Variants in CTTNBP2 observed in about 807,000 individuals in gnomAD.
CTTNBP2 encodes cortactin-binding protein 2.
A neutral mutation model predicts 156.9 loss-of-function variants in CTTNBP2; 108 were observed. That is an observed-to-expected ratio of 0.69 (90% CI 0.59 to 0.81). The LOEUF is 0.81. Ranked by LOEUF, CTTNBP2 falls within the 30% of genes least tolerant of loss-of-function variation. CTTNBP2 has a pLI of 0.00. For synonymous variants in CTTNBP2, 767 were observed against 751.8 expected, an observed-to-expected ratio of 1.02 and a Z score of -0.33; for missense variants, 1,924 against 2,035.4, an observed-to-expected ratio of 0.95 and a Z score of 1.05.
intron 2 of CTTNBP2, among the ~76,000 whole-genome samples, chr7:117,833,756 T>C (rs1801761989): frequency 1.3e-5 from 2 of 152,238 alleles, no homozygotes; most frequent in African/African-American, 4.8e-5. Context: ...CATACTCATG[T>C]TTATTGTGAG....
intron 2 of CTTNBP2, among the ~76,000 whole-genome samples, chr7:117,819,676 A>T (rs1427166914): frequency 6.6e-6 from 1 of 152,160 alleles, no homozygotes; most frequent in Non-Finnish European, 1.5e-5. Context: ...TCATGGCGTC[A>T]AATGATTTTC....
At chr7:117,742,190 AT>A (rs1278853341) in intron 14 of CTTNBP2, among the ~76,000 whole-genome samples, 1 of 152,210 alleles carries the variant, frequency 6.6e-6, no homozygotes, top group Admixed American at 6.5e-5. Flanking sequence ...GACTGTGTCT[AT>A]TTTAATCACT....
rs398048025 is a variant in CTTNBP2 at position 117,715,475 on chromosome 7, TA to T, written c.4746+2542del. ...CAGACTAGAGTCCAGGCCCTGAAGTTAAAAAAAAAAAAAAAAAAGAAGCCTC... is the reference window on the plus strand; with the variant it reads ...CAGACTAGAGTCCAGGCCCTGAAGTTAAAAAAAAAAAAAAAAAGAAGCCTC... On this transcript the variant is annotated intron_variant, in intron 22 of 22. Transcript: ENST00000160373. Among the ~76,000 whole-genome samples the T allele has an allele frequency of 3.0e-3, 345 of 116,354 alleles. 1 individual carries two copies. The highest frequency in any genetic ancestry group is 5.3e-3 in the Admixed American group (62 of 11,780). 76.3% of individuals were successfully genotyped at this position (116,354 alleles called of 152,430 possible). A position where few individuals can be genotyped will look rare whatever the true frequency, so the allele number is the denominator to read the frequency against.
intron 12 of CTTNBP2, among the ~76,000 whole-genome samples, chr7:117,748,012 A>G (rs950264888): frequency 6.6e-6 from 1 of 151,628 alleles, no homozygotes; most frequent in Non-Finnish European, 1.5e-5. Context: ...ATACTGTTCA[A>G]TTATTAGTAC....
intron 4 of CTTNBP2, among the ~76,000 whole-genome samples, chr7:117,789,658 T>G (rs1798884741): frequency 6.6e-6 from 1 of 152,172 alleles, no homozygotes; most frequent in Admixed American, 6.6e-5. Context: ...CATAGCAAAT[T>G]CTCAAAAATA....
chr7:117,850,520 C>T (rs1336576503), intron 2 of CTTNBP2, among the ~76,000 whole-genome samples: 2 of 152,132 alleles, frequency 1.3e-5, no homozygotes, highest in East Asian at 3.8e-4. Flanking sequence ...AAGGAGAGAT[C>T]AAAAGGAGAC....
chr7:117,857,080 T>C lies in CTTNBP2; in HGVS notation c.189+4129A>G, dbSNP rs1372562874. On this transcript the variant is annotated intron_variant, in intron 2 of 22. Transcript: ENST00000160373. Reference sequence around the variant, plus strand: ...GTTCAGAAAATGCAGCTGCTTCTCTTTGGGCACATTCTTTATTGAACTGCA... The same window carrying C: ...GTTCAGAAAATGCAGCTGCTTCTCTCTGGGCACATTCTTTATTGAACTGCA... Among the ~76,000 whole-genome samples, 5 of 152,324 alleles carry C rather than the reference T, an allele frequency of 3.3e-5. No homozygotes were observed. In the East Asian group the frequency reaches 9.6e-4, roughly 29 times the overall value.
At chr7:117,725,936 G>A (rs903456958) in intron 17 of CTTNBP2, among the ~76,000 whole-genome samples, 2 of 152,134 alleles carry the variant, frequency 1.3e-5, no homozygotes, top group African/African-American at 4.8e-5. Flanking sequence ...GGATCTGCCT[G>A]CCTTGTCCTC....
chr7:117,714,406 T>G (rs1794228404), intron 22 of CTTNBP2: 2 of 152,362 alleles, frequency 1.3e-5, no homozygotes, highest in East Asian at 1.9e-4. Context: ...ATACGTAGTA[T>G]TCAGAAAACA....
chr7:117,861,424 C>G lies in CTTNBP2; in HGVS notation c.82-108G>C, dbSNP rs1449549885. 1.3e-5 allele frequency: 9 copies of G among 715,654 alleles called. No individual in the cohort carries two copies. In the African/African-American group the frequency reaches 1.6e-4, roughly 13 times the overall value. The allele number at this position is 715,654 out of a possible 1,614,324, so 44.3% of individuals were successfully genotyped here. ...TTTTATCCCAGTGGCTCGGCAGATCCAGCAGGCACCGGGGTACTATTTGCA... is the reference window on the plus strand; with the variant it reads ...TTTTATCCCAGTGGCTCGGCAGATCGAGCAGGCACCGGGGTACTATTTGCA... On this transcript the variant is annotated intron_variant, in intron 1 of 22. Transcript: ENST00000160373.
chr7:117,872,932 G>A (rs1270198201), intron 1 of CTTNBP2, among the ~76,000 whole-genome samples: 1 of 152,104 alleles, frequency 6.6e-6, no homozygotes, highest in Non-Finnish European at 1.5e-5. Context: ...ACACGCGCTG[G>A]CAACCACGCG....
At chr7:117,870,199 T>G (rs1277145668) in intron 1 of CTTNBP2, among the ~76,000 whole-genome samples, 1 of 152,228 alleles carries the variant, frequency 6.6e-6, no homozygotes, top group East Asian at 1.9e-4. Context: ...ATCACTGGAA[T>G]GTATTACTTT....
At chr7:117,817,388 A>ATATATATATAT (rs1554437687) in intron 2 of CTTNBP2, among the ~76,000 whole-genome samples, 6 of 124,748 alleles carry the variant, frequency 4.8e-5, no homozygotes, top group African/African-American at 8.6e-5. Context: ...ATATATATAT[A>ATATATATATAT]ATTTCATCAG....
At chr7:117,862,935 G>A (rs1273760126) in intron 1 of CTTNBP2, among the ~76,000 whole-genome samples, 2 of 152,212 alleles carry the variant, frequency 1.3e-5, no homozygotes, top group East Asian at 1.9e-4. Flanking sequence ...ACACTTTACC[G>A]GCATGGCACC....
chr7:117,721,064 T>C lies in CTTNBP2; in HGVS notation c.4511+3A>G. 6.3e-7 allele frequency: 1 copy of C among 1,578,568 alleles called. No homozygotes were observed. The highest frequency in any genetic ancestry group is 1.1e-5 in the South Asian group (1 of 90,266). On this transcript the variant is annotated splice_donor_region_variant and intron_variant, in intron 20 of 22. Transcript: ENST00000160373. ...GTGAGTTAAATTTGAAAGGGGAACT[T>C]ACTTTTGTTTTGACAGAGAAGCATT... is the stretch of plus-strand genomic sequence containing the variant.
In CTTNBP2 at chr7:117,736,999, G is replaced by A. The variant is rs719883; in HGVS notation, c.3536-1578C>T. On this transcript the variant is annotated intron_variant, in intron 14 of 22. Coordinates refer to ENST00000160373, the MANE Select transcript of CTTNBP2 (RefSeq NM_033427.3). ...ATTTTCATTTTCAAAAGAACTCCTT[G>A]AACACTGTAAATGAATCTCTTCTCA... Among the ~76,000 whole-genome samples, 105 of 152,154 alleles carry A rather than the reference G, an allele frequency of 6.9e-4. 1 individual carries two copies. Among genetic ancestry groups the A allele is most frequent in the African/African-American group, 2.0e-3 (85 of 41,492 alleles).
At chr7:117,734,812 C>T in intron 16 of CTTNBP2, 101 bp downstream of exon 16, 2 of 879,102 alleles carry the variant, frequency 2.3e-6, no homozygotes, top group Admixed American at 3.3e-5. Context: ...CTGTACCTGC[C>T]CAAGGCTGCA....
At position 117,782,936 on chromosome 7, in the gene CTTNBP2, T is replaced by C. The variant is rs762465348; in HGVS notation, c.2298A>G (p.Ala766=). 6 of 1,613,946 alleles carry C rather than the reference T, an allele frequency of 3.7e-6. No homozygotes were observed. The Admixed American group carries it at 1.0e-4, about 27-fold the overall frequency. The change falls in exon 6 of 23, where the codon GCA becomes GCG. Residue 766 remains alanine (A), a synonymous_variant. Transcript: ENST00000160373. ...TATCAGCAGCATTGACTTGGGCTTC[T>C]GCACTCAGCAGCAATCTCACACAGT... The part of the protein sequence containing the change: ...HTDCVRLLLS[A]EAQVNAADKN...
At chr7:117,813,899 A>G (rs1297018322) in intron 2 of CTTNBP2, among the ~76,000 whole-genome samples, 1 of 152,246 alleles carries the variant, frequency 6.6e-6, no homozygotes, top group African/African-American at 2.4e-5. Context: ...GAAAGGTTTA[A>G]AAGTCAACAC....
Sources: allele counts gnomAD v4.1 joint callset (sites outside exome capture counted in the v4.1 genomes callset), GRCh38; gene constraint gnomAD v4.1.1; transcripts MANE v1.5; gene names NCBI Gene and HGNC (gene_info 2026-07-23, HGNC 2026-07-21).